Variants in ACTR3C observed in about 807,000 individuals in gnomAD.
ACTR3C encodes the protein actin related protein 3C.
ACTR3C carries 18 observed loss-of-function variants against 26.3 expected under a neutral mutation model. The observed-to-expected ratio is 0.68, with a 90% CI of 0.47 to 1.01. ACTR3C has a LOEUF of 1.01. Among genes scored for constraint, ACTR3C ranks in the 50% least tolerant of loss-of-function variants. The probability of loss-of-function intolerance (pLI) is 0.00; values close to 1 mark genes in which losing one functional copy is unlikely to be tolerated. For synonymous variants in ACTR3C, 55 were observed against 94.5 expected (o/e 0.58, Z 2.42); for missense variants, 184 against 250.7 (o/e 0.73, Z 1.80).
At chr7:150,113,846 T>C in the ACTR3C span, among the ~76,000 whole-genome samples, 1 of 151,714 alleles carries the variant, frequency 6.6e-6, no homozygotes, top group Non-Finnish European at 1.5e-5. Flanking sequence ...ACTATAAATT[T>C]ATTTTATAAG....
At chr7:150,221,386 C>G in the ACTR3C span, among the ~76,000 whole-genome samples, 1 of 152,022 alleles carries the variant, frequency 6.6e-6, no homozygotes, top group African/African-American at 2.4e-5. Flanking sequence ...CCCAGGGAAC[C>G]AGGAAAAATC....
At chr7:150,107,086 G>A in the ACTR3C span, among the ~76,000 whole-genome samples, 2,153 of 144,546 alleles carry the variant, frequency 0.015, 345 homozygotes, top group African/African-American at 0.055. Flanking sequence ...AGGTTGTATG[G>A]GGTGGGGTGG....
chr7:150,067,083 C>G, the ACTR3C span, among the ~76,000 whole-genome samples: 1 of 152,216 alleles, frequency 6.6e-6, no homozygotes, highest in South Asian at 2.1e-4. Flanking sequence ...CGAAGGGACT[C>G]TAGACACAAG....
chr7:150,209,763 A>ACAC, the ACTR3C span, among the ~76,000 whole-genome samples: 6 of 148,900 alleles, frequency 4.0e-5, no homozygotes, highest in Admixed American at 1.3e-4. Flanking sequence ...ACACACACAC[A>ACAC]AAATTAGCTG....
the ACTR3C span, among the ~76,000 whole-genome samples, chr7:150,096,219 AT>A: frequency 1.3e-5 from 2 of 149,976 alleles, no homozygotes; most frequent in Admixed American, 6.6e-5. Context: ...CACTTTGGAT[AT>A]ATTATGCCTG....
chr7:150,287,389 G>C lies in ACTR3C; in HGVS notation c.298-849C>G, dbSNP rs183238661. 5.3e-3 allele frequency among the ~76,000 whole-genome samples: 800 copies of C among 152,350 alleles called. 5 individuals carry two copies. Among genetic ancestry groups the C allele is most frequent in the African/African-American group, 0.018 (753 of 41,570 alleles). On this transcript the variant is annotated intron_variant, in intron 4 of 7. Transcript: ENST00000683684. Reference sequence around the variant, plus strand: ...TGCTGCTGCTGCTGCTGCGAGAGAAGTCGCTAACGATTCCCACCCTGCACC... The same window carrying C: ...TGCTGCTGCTGCTGCTGCGAGAGAACTCGCTAACGATTCCCACCCTGCACC...
the ACTR3C span, among the ~76,000 whole-genome samples, chr7:150,037,583 A>G: frequency 1.4e-5 from 1 of 69,476 alleles, no homozygotes; most frequent in African/African-American, 6.1e-5. Context: ...CCGGGGGGGA[A>G]GAGGGACTGG....
At chr7:150,023,140 T>TAG in the ACTR3C span, among the ~76,000 whole-genome samples, 2 of 69,440 alleles carry the variant, frequency 2.9e-5, no homozygotes, top group Non-Finnish European at 7.1e-5. Context: ...TATACATATA[T>TAG]ATAGATATCT....
At chr7:150,037,063 GC>G in the ACTR3C span, among the ~76,000 whole-genome samples, 1 of 103,310 alleles carries the variant, frequency 9.7e-6, no homozygotes, top group Admixed American at 8.7e-5. Context: ...CCCCACCCTC[GC>G]GGGGGGTGCC....
the ACTR3C span, among the ~76,000 whole-genome samples, chr7:149,938,973 T>G: frequency 1.4e-5 from 2 of 147,280 alleles, no homozygotes; most frequent in Non-Finnish European, 3.0e-5. Flanking sequence ...ATTATATACA[T>G]ATATATGTAT....
intron 1 of ACTR3C, chr7:150,303,084 T>C (rs986079766): frequency 5.3e-5 from 8 of 152,216 alleles, no homozygotes; most frequent in African/African-American, 1.7e-4. Context: ...TGATCTATGA[T>C]GGGAAATGGC....
the ACTR3C span, among the ~76,000 whole-genome samples, chr7:149,956,812 C>G: frequency 1.3e-5 from 2 of 152,142 alleles, no homozygotes; most frequent in South Asian, 4.1e-4. Flanking sequence ...CAAGATATCA[C>G]GACCAGTGAG....
At chr7:150,103,806 T>TACA in the ACTR3C span, among the ~76,000 whole-genome samples, 1 of 152,152 alleles carries the variant, frequency 6.6e-6, no homozygotes, top group East Asian at 1.9e-4. Flanking sequence ...ATAACATACA[T>TACA]ACACATGATT....
the ACTR3C span, among the ~76,000 whole-genome samples, chr7:150,231,965 T>C: frequency 6.6e-6 from 1 of 152,226 alleles, no homozygotes; most frequent in Admixed American, 6.5e-5. Context: ...AAAAAGAAGT[T>C]TGAAGTCTCC....
chr7:150,022,836 G>A, the ACTR3C span, among the ~76,000 whole-genome samples: 144,334 of 152,016 alleles, frequency 0.95, 68,763 homozygotes, highest in East Asian at 1. Flanking sequence ...CCACATCCAT[G>A]TGGGGTATAG....
chr7:150,150,030 A>G, the ACTR3C span, among the ~76,000 whole-genome samples: 11 of 151,908 alleles, frequency 7.2e-5, no homozygotes, highest in East Asian at 2.1e-3. Context: ...CTGGTGACCA[A>G]CTCTTCTTTC....
At chr7:149,936,165 C>A in the ACTR3C span, among the ~76,000 whole-genome samples, 1 of 152,100 alleles carries the variant, frequency 6.6e-6, no homozygotes, top group Non-Finnish European at 1.5e-5. Flanking sequence ...GTTTTCAAGT[C>A]CCCCATCTCT....
chr7:150,125,924 A>C, the ACTR3C span, among the ~76,000 whole-genome samples: 1 of 152,156 alleles, frequency 6.6e-6, no homozygotes, highest in Non-Finnish European at 1.5e-5. Flanking sequence ...TGACAACTTA[A>C]TTGAGTCCTG....
the ACTR3C span, among the ~76,000 whole-genome samples, chr7:149,980,271 T>A: frequency 6.6e-6 from 1 of 152,234 alleles, no homozygotes; most frequent in African/African-American, 2.4e-5. Flanking sequence ...AAATAATTTT[T>A]GAGCATTTAT....
Sources: allele counts gnomAD v4.1 joint callset (sites outside exome capture counted in the v4.1 genomes callset), GRCh38; gene constraint gnomAD v4.1.1; transcripts MANE v1.5; gene names NCBI Gene and HGNC (gene_info 2026-07-23, HGNC 2026-07-21).